DCC: variants seen among roughly 807,000 people sequenced by gnomAD.
DCC encodes the protein DCC netrin 1 receptor.
DCC carries 58 observed loss-of-function variants against 172.5 expected under a neutral mutation model. That is an observed-to-expected ratio of 0.34 (90% confidence interval 0.27 to 0.42). The LOEUF (loss-of-function observed/expected upper bound fraction) is 0.42. DCC is among the 10% of genes least tolerant of loss of function. The pLI, the probability that DCC is intolerant of heterozygous loss-of-function variation, is 1.00. For missense variants in DCC, 1,740 were observed against 1,791.0 expected (o/e 0.97, Z 0.51); for synonymous variants, 709 against 644.5 (o/e 1.10, Z -1.52).
At chr18:52,492,611 G>A (rs1032746241) in intron 1 of DCC, among the ~76,000 whole-genome samples, 1 of 151,816 alleles carries the variant, frequency 6.6e-6, no homozygotes, top group Non-Finnish European at 1.5e-5. Context: ...AAGAAAAATA[G>A]GGAAGTGGAT....
chr18:52,385,751 A>C (rs569030287), intron 1 of DCC, among the ~76,000 whole-genome samples: 2 of 152,164 alleles, frequency 1.3e-5, no homozygotes, highest in South Asian at 4.1e-4. Context: ...CAAATGAATT[A>C]ATTATCTTTT....
intron 1 of DCC, among the ~76,000 whole-genome samples, chr18:52,727,137 A>C (rs2036563794): frequency 6.6e-6 from 1 of 152,224 alleles, no homozygotes; most frequent in South Asian, 2.1e-4. Context: ...AGTCAATAGA[A>C]AGCTATAAGA....
At chr18:53,460,730 T>G (rs1307054954) in intron 24 of DCC, among the ~76,000 whole-genome samples, 11 of 152,090 alleles carry the variant, frequency 7.2e-5, no homozygotes, top group Non-Finnish European at 1.5e-4. Flanking sequence ...GAATAATGCC[T>G]CAATAAACAT....
intron 3 of DCC, among the ~76,000 whole-genome samples, chr18:52,917,116 C>CAAAAAAAAAAAAAAA (rs36010390): frequency 2.4e-5 from 2 of 82,416 alleles, no homozygotes; most frequent in East Asian, 9.9e-4. Flanking sequence ...AACCCCGTCT[C>CAAAAAAAAAAAAAAA]AAAAAAAAAA....
chr18:52,911,165 G>A (rs9956594), intron 3 of DCC, among the ~76,000 whole-genome samples: 58,563 of 151,866 alleles, frequency 0.39, 11,841 homozygotes, highest in Non-Finnish European at 0.46. Context: ...AATGATCTGT[G>A]TAACAAAGAG....
chr18:53,262,166 G>T (rs1307578809), intron 12 of DCC, among the ~76,000 whole-genome samples: 2 of 152,314 alleles, frequency 1.3e-5, no homozygotes, highest in Admixed American at 1.3e-4. Flanking sequence ...CAACATGGCA[G>T]ATTAGCTTCC....
chr18:52,902,559 G>A (rs9947195), intron 2 of DCC, among the ~76,000 whole-genome samples: 57,915 of 151,636 alleles, frequency 0.38, 11,553 homozygotes, highest in Non-Finnish European at 0.46. Context: ...TAGAACATTA[G>A]ATGACTTTTA....
intron 15 of DCC, among the ~76,000 whole-genome samples, chr18:53,347,303 C>T (rs1370676567): frequency 6.6e-6 from 1 of 152,132 alleles, no homozygotes; most frequent in Non-Finnish European, 1.5e-5. Flanking sequence ...CCAAAATCCG[C>T]CTAGTTTTGT....
chr18:52,691,008 A>G (rs2035921917), intron 1 of DCC, among the ~76,000 whole-genome samples: 1 of 152,156 alleles, frequency 6.6e-6, no homozygotes, highest in Non-Finnish European at 1.5e-5. Flanking sequence ...TATTATTAAT[A>G]GCAAAGTGCA....
chr18:53,195,699 C>T (rs1297256064), intron 9 of DCC, among the ~76,000 whole-genome samples: 1 of 151,806 alleles, frequency 6.6e-6, no homozygotes, highest in Admixed American at 6.6e-5. Context: ...TGTGTCCTGT[C>T]TCGTCGGATT....
intron 1 of DCC, among the ~76,000 whole-genome samples, chr18:52,375,584 A>T (rs770061210): frequency 6.6e-6 from 1 of 152,182 alleles, no homozygotes; most frequent in Non-Finnish European, 1.5e-5. Flanking sequence ...TGGACCAGCT[A>T]TGGGAGTCTT....
intron 5 of DCC, among the ~76,000 whole-genome samples, chr18:52,948,311 G>T (rs1037707313): frequency 1.8e-5 from 2 of 112,064 alleles, no homozygotes; most frequent in Non-Finnish European, 3.6e-5. Context: ...TCACAGTGTT[G>T]ATGTGTGTGT....
chr18:53,335,079 A>T (rs1482650164), intron 14 of DCC, among the ~76,000 whole-genome samples: 1 of 152,002 alleles, frequency 6.6e-6, no homozygotes, highest in South Asian at 2.1e-4. Context: ...TATCTTTTTC[A>T]TTCTCTCTCT....
At chr18:53,355,615 G>C (rs982652130) in intron 15 of DCC, among the ~76,000 whole-genome samples, 23 of 152,118 alleles carry the variant, frequency 1.5e-4, no homozygotes, top group African/African-American at 5.6e-4. Context: ...TTTGCACGTT[G>C]ATTTTGTATC....
rs534490108 is a variant in DCC at position 52,605,499 on chromosome 18, G to T, written c.92-146555G>T. ...ATTGCAGCTGCAAGCAGCATACAAA[G>T]ATGTGGTACTTTAGAAGAAATTTAG... On this transcript the variant is annotated intron_variant, in intron 1 of 28. Coordinates refer to ENST00000442544, the MANE Select transcript of DCC (RefSeq NM_005215.4). Among the ~76,000 whole-genome samples, 16 of 152,282 alleles carry T rather than the reference G, an allele frequency of 1.1e-4. No homozygotes were observed. The South Asian group carries it at 1.7e-3, about 16-fold the overall frequency.
At chr18:52,559,325 A>G (rs1392558540) in intron 1 of DCC, among the ~76,000 whole-genome samples, 1 of 152,110 alleles carries the variant, frequency 6.6e-6, no homozygotes, top group Non-Finnish European at 1.5e-5. Flanking sequence ...GTTAGCCAGG[A>G]TGGTCTCGAT....
At chr18:52,369,938 C>G (rs2144294760) in intron 1 of DCC, among the ~76,000 whole-genome samples, 1 of 152,234 alleles carries the variant, frequency 6.6e-6, no homozygotes, top group East Asian at 1.9e-4. Context: ...TAATTTCCCT[C>G]ATCTTATCCA....
chr18:53,161,033 C>T (rs1167726030), intron 8 of DCC, among the ~76,000 whole-genome samples: 1 of 152,198 alleles, frequency 6.6e-6, no homozygotes, highest in Non-Finnish European at 1.5e-5. Context: ...AGGTGAATTA[C>T]ACCTATCAGC....
At chr18:52,870,065 G>A (rs1330195207) in intron 2 of DCC, among the ~76,000 whole-genome samples, 1 of 152,010 alleles carries the variant, frequency 6.6e-6, no homozygotes, top group Non-Finnish European at 1.5e-5. Context: ...GCCAGTGGGC[G>A]ACTTGGCCTA....
Sources: gnomAD v4.1 joint callset for allele counts (sites outside exome capture counted in the v4.1 genomes callset) on GRCh38, gnomAD v4.1.1 for gene constraint, MANE v1.5 for transcripts, NCBI Gene and HGNC (gene_info 2026-07-23, HGNC 2026-07-21) for gene names.